Variants in MROH1 observed in about 807,000 individuals in gnomAD.
MROH1 encodes the protein maestro heat-like repeat-containing protein family member 1.
MROH1 carries 117 observed loss-of-function variants against 116.5 expected under a neutral mutation model. The ratio of observed to expected loss-of-function variants is 1.00; its 90% CI spans 0.86 to 1.17. The LOEUF (loss-of-function observed/expected upper bound fraction) is 1.17, where lower values mean the gene tolerates loss of function less well. Among genes scored for constraint, MROH1 ranks in the 50% most tolerant of loss-of-function variants. The pLI, the probability that MROH1 is intolerant of heterozygous loss-of-function variation, is 0.00. For missense variants in MROH1, 1,873 were observed against 1,338.5 expected (o/e 1.40, Z -6.23); for synonymous variants, 921 against 583.9 (o/e 1.58, Z -8.32).
chr8:144,200,589 G>A (rs1000153381), intron 12 of MROH1, 48 bp downstream of exon 12: 2 of 1,299,208 alleles, frequency 1.5e-6, no homozygotes, highest in Non-Finnish European at 1.1e-6. Flanking sequence ...CCATGTCCAG[G>A]ATGGAGCAGG....
chr8:144,162,308 A>G (rs1236128069), intron 2 of MROH1, among the ~76,000 whole-genome samples: 1 of 151,708 alleles, frequency 6.6e-6, no homozygotes, highest in Non-Finnish European at 1.5e-5. Context: ...GCTGGTCTTG[A>G]AATCCTGACC....
chr8:144,256,709 G>A lies in MROH1; in HGVS notation c.3791+1004G>A, dbSNP rs910332743. ...GCAGAGCCTGGTGTACAGGCCGTTC[G>A]CCAGTGGGTCGGACCCTTGTGGGTG... On this transcript the variant is annotated intron_variant, in intron 35 of 43. Transcript: ENST00000326134. 6.1e-4 allele frequency among the ~76,000 whole-genome samples: 93 copies of A among 152,346 alleles called. 1 individual carries two copies. In the South Asian group the frequency reaches 9.3e-3, roughly 15 times the overall value.
At chr8:144,179,422 C>A (rs774372481) in intron 4 of MROH1, 33 bp from the exon 5 acceptor site, 3 of 1,608,288 alleles carry the variant, frequency 1.9e-6, no homozygotes, top group East Asian at 2.2e-5. Flanking sequence ...GTGGGGCTCA[C>A]CTGGGACCGA....
intron 11 of MROH1, among the ~76,000 whole-genome samples, chr8:144,199,952 T>C (rs1341225855): frequency 6.6e-6 from 1 of 152,142 alleles, no homozygotes; most frequent in African/African-American, 2.4e-5. Flanking sequence ...TGGGGATGGC[T>C]CTGGTCCGTG....
chr8:144,186,618 C>T (rs148510007), intron 7 of MROH1, among the ~76,000 whole-genome samples: 1,623 of 152,280 alleles, frequency 0.011, 17 homozygotes, highest in Middle Eastern at 0.048. Flanking sequence ...TCACATACCC[C>T]GCTGTGATCG....
intron 7 of MROH1, among the ~76,000 whole-genome samples, chr8:144,183,888 C>T (rs1826300618): frequency 6.6e-6 from 1 of 152,042 alleles, no homozygotes; most frequent in South Asian, 2.1e-4. Flanking sequence ...ACCTCGTGAT[C>T]CGCCCGCCTC....
intron 14 of MROH1, among the ~76,000 whole-genome samples, chr8:144,236,975 G>A (rs1165873023): frequency 1.6e-5 from 2 of 123,728 alleles, no homozygotes; most frequent in Non-Finnish European, 3.2e-5. Flanking sequence ...GGGTAATCTC[G>A]ACTCACTGCA....
Position 144,250,379 on chromosome 8 carries a change from G to A in MROH1, c.3428+13G>A, listed in dbSNP as rs959997023. 4 of 757,124 alleles carry A rather than the reference G, an allele frequency of 5.3e-6. No homozygotes were observed. The highest frequency in any genetic ancestry group is 1.8e-5 in the Admixed American group (1 of 56,846). The allele number at this position is 757,124 out of a possible 1,614,324, so 46.9% of individuals were successfully genotyped here. On this transcript the variant is annotated intron_variant, in intron 33 of 43. Transcript: ENST00000326134. ...TGCCCTTGGACAGGTACCCAGCTCA[G>A]ACTCCAGGCTTAGGGGTCCCTCTGG...
At chr8:144,160,029 A>C (rs1410121745) in intron 1 of MROH1, among the ~76,000 whole-genome samples, 1 of 152,046 alleles carries the variant, frequency 6.6e-6, no homozygotes, top group Non-Finnish European at 1.5e-5. Context: ...TCGGCCTCCC[A>C]AAGTGCTGGG....
rs1435410766 is a variant in MROH1, at chr8:144,241,380, T to A, written c.2056-15T>A. 1.4e-5 allele frequency: 11 copies of A among 768,310 alleles called. No individual in the cohort carries two copies. The highest frequency in any genetic ancestry group is 2.4e-5 in the Non-Finnish European group (10 of 412,650). The allele number at this position is 768,310 out of a possible 1,614,324, so 47.6% of individuals were successfully genotyped here. Reference sequence around the variant, plus strand: ...CGTGCTCTTCCCTGCCCGGGGTAAGTGTGCTGCCCCCCAGGGCCTCGCCTG... The same window carrying A: ...CGTGCTCTTCCCTGCCCGGGGTAAGAGTGCTGCCCCCCAGGGCCTCGCCTG... On this transcript the variant is annotated splice_polypyrimidine_tract_variant and intron_variant, in intron 21 of 43. Coordinates refer to ENST00000326134, the MANE Select transcript of MROH1 (RefSeq NM_032450.3).
intron 12 of MROH1, among the ~76,000 whole-genome samples, chr8:144,217,550 C>T (rs1428971079): frequency 2.6e-5 from 4 of 152,200 alleles, no homozygotes; most frequent in Non-Finnish European, 4.4e-5. Flanking sequence ...AGCCCCTCCA[C>T]GGCAGTCACT....
chr8:144,184,931 C>T (rs942973164), intron 7 of MROH1, among the ~76,000 whole-genome samples: 1 of 152,222 alleles, frequency 6.6e-6, no homozygotes, highest in Non-Finnish European at 1.5e-5. Context: ...TGGGGCAGAG[C>T]AGGAGTCCCC....
rs1564581379 is a variant in MROH1 at position 144,258,808 on chromosome 8, C to G, written c.3823C>G (p.Leu1275Val). 3.9e-6 allele frequency: 3 copies of G among 769,416 alleles called. No homozygotes were observed. Among genetic ancestry groups the G allele is most frequent in the Non-Finnish European group, 7.2e-6 (3 of 414,482 alleles). 47.7% of individuals were successfully genotyped at this position (769,416 alleles called of 1,614,324 possible). A position where few individuals can be genotyped will look rare whatever the true frequency, so the allele number is the denominator to read the frequency against. ...AGTGGACACCCTGCGGTCCATGCTA[C>G]TCCGCAGCGGCAGCGAGGATGTGGT... is the stretch of plus-strand genomic sequence containing the variant. ...SAVDTLRSML[L>V]RSGSEDVVQR... Residue 1275 changes from leucine to valine, a missense_variant, in exon 36 of 44, where the codon CTC becomes GTC. Coordinates refer to ENST00000326134, the MANE Select transcript of MROH1 (RefSeq NM_032450.3).
chr8:144,213,134 G>T (rs763428598), intron 12 of MROH1: 1 of 766,240 alleles, frequency 1.3e-6, no homozygotes, highest in South Asian at 1.3e-5. Context: ...CACCACGGCT[G>T]TTACATCCCG....
chr8:144,220,081 G>A (rs919368517), intron 12 of MROH1, among the ~76,000 whole-genome samples: 1 of 152,182 alleles, frequency 6.6e-6, no homozygotes, highest in Non-Finnish European at 1.5e-5. Flanking sequence ...GCCACTCTTA[G>A]ATATCCACTT....
intron 7 of MROH1, among the ~76,000 whole-genome samples, chr8:144,186,253 C>A: frequency 6.6e-6 from 1 of 151,842 alleles, no homozygotes; most frequent in South Asian, 2.1e-4. Context: ...CCCAGAGTAG[C>A]TGCGACCAGA....
chr8:144,188,444 G>A (rs1408059885), intron 7 of MROH1, among the ~76,000 whole-genome samples: 1 of 130,200 alleles, frequency 7.7e-6, no homozygotes, highest in African/African-American at 3.0e-5. Flanking sequence ...TGCTACCACT[G>A]CCCAATTTTT....
chr8:144,192,793 AG>A (rs1448610724), intron 10 of MROH1: 2 of 365,176 alleles, frequency 5.5e-6, no homozygotes. Flanking sequence ...GGGGTCTTGA[AG>A]GCCCTGCTGG....
At chr8:144,226,060 G>A (rs548774370) in intron 14 of MROH1, among the ~76,000 whole-genome samples, 14 of 150,352 alleles carry the variant, frequency 9.3e-5, no homozygotes, top group Non-Finnish European at 1.6e-4. Context: ...GATTGCAGAC[G>A]TGCACCACCA....
Sources: gnomAD v4.1 joint callset for allele counts (sites outside exome capture counted in the v4.1 genomes callset) on GRCh38, gnomAD v4.1.1 for gene constraint, MANE v1.5 for transcripts, NCBI Gene and HGNC (gene_info 2026-07-23, HGNC 2026-07-21) for gene names.